Variants in LSAMP observed in about 807,000 individuals in gnomAD.
LSAMP encodes the protein limbic system-associated membrane protein.
A neutral mutation model predicts 38.6 loss-of-function variants in LSAMP; 7 were observed. The ratio of observed to expected loss-of-function variants is 0.18; its 90% CI spans 0.10 to 0.34. The LOEUF (loss-of-function observed/expected upper bound fraction) is 0.34, where lower values mean the gene tolerates loss of function less well. Ranked by LOEUF, LSAMP falls within the 10% of genes least tolerant of loss-of-function variation. The pLI is 1.00. For missense variants in LSAMP, 313 were observed against 420.0 expected (o/e 0.75, Z 2.23); for synonymous variants, 154 against 166.8 (o/e 0.92, Z 0.59).
intron 1 of LSAMP, chr3:116,368,068 T>C (rs2048379949): frequency 6.6e-6 from 1 of 152,182 alleles, no homozygotes. Flanking sequence ...GTGGTAAATG[T>C]GGGTGGGCGG....
intron 1 of LSAMP, among the ~76,000 whole-genome samples, chr3:116,331,362 T>C (rs969166752): frequency 1.3e-5 from 2 of 152,060 alleles, no homozygotes; most frequent in South Asian, 2.1e-4. Flanking sequence ...GGCCAAAAAC[T>C]TCTCAATTAT....
intron 3 of LSAMP, among the ~76,000 whole-genome samples, chr3:115,980,556 G>A (rs78713239): frequency 0.046 from 6,994 of 152,136 alleles, 352 homozygotes; most frequent in African/African-American, 0.13. Context: ...ATTCCCTTTG[G>A]TTCTGGTTTT....
At chr3:116,325,445 G>GGAGA (rs2047757258) in intron 1 of LSAMP, among the ~76,000 whole-genome samples, 1 of 152,136 alleles carries the variant, frequency 6.6e-6, no homozygotes, top group South Asian at 2.1e-4. Flanking sequence ...GACAAGGTAA[G>GGAGA]GAGAGACAGT....
Position 116,073,637 on chromosome 3 carries a change from T to A in LSAMP, c.388+12687A>T, listed in dbSNP as rs576277855. 6.6e-5 allele frequency among the ~76,000 whole-genome samples: 10 copies of A among 152,312 alleles called. No individual in the cohort carries two copies. In the South Asian group the frequency reaches 2.1e-3, roughly 32 times the overall value. On this transcript the variant is annotated intron_variant, in intron 2 of 6. Coordinates refer to ENST00000490035, the MANE Select transcript of LSAMP (RefSeq NM_002338.5). ...TTGAAGAGGTCCTTCACTTCCCTTGTTGGAATGCTAGTGACTTTTGCATAT... is the reference window on the plus strand; with the variant it reads ...TTGAAGAGGTCCTTCACTTCCCTTGATGGAATGCTAGTGACTTTTGCATAT...
At chr3:115,872,987 T>C (rs1936087010) in intron 3 of LSAMP, among the ~76,000 whole-genome samples, 1 of 152,184 alleles carries the variant, frequency 6.6e-6, no homozygotes, top group Non-Finnish European at 1.5e-5. Flanking sequence ...TATATACATA[T>C]ATGTAAACAT....
chr3:116,069,058 G>A (rs1173653258), intron 2 of LSAMP, among the ~76,000 whole-genome samples: 1 of 152,172 alleles, frequency 6.6e-6, no homozygotes, highest in Admixed American at 6.5e-5. Flanking sequence ...GGAACTCATT[G>A]TTACTCCTCT....
chr3:116,444,843 C>G lies in LSAMP; in HGVS notation c.155+34G>C, dbSNP rs552198186. 1.9e-6 allele frequency: 3 copies of G among 1,613,082 alleles called. No homozygotes were observed. In the East Asian group the frequency reaches 6.7e-5, roughly 36 times the overall value. On this transcript the variant is annotated intron_variant, in intron 1 of 6. Transcript: ENST00000490035. ...ACACACACACACACACACGTGTAGA[C>G]GCGCGCAGCAGAAAAGTTGCCCGAA...
At chr3:116,348,363 A>G (rs1181947590) in intron 1 of LSAMP, among the ~76,000 whole-genome samples, 2 of 152,090 alleles carry the variant, frequency 1.3e-5, no homozygotes, top group African/African-American at 4.8e-5. Context: ...CCATACCAAA[A>G]CAACAGCCCA....
chr3:115,841,461 G>A (rs1003746877), intron 6 of LSAMP: 4 of 159,042 alleles, frequency 2.5e-5, no homozygotes, highest in Admixed American at 6.3e-5. Context: ...TCTTATCACT[G>A]CCTTCAAAAC....
intron 3 of LSAMP, among the ~76,000 whole-genome samples, chr3:115,941,825 A>G (rs1937931050): frequency 6.6e-6 from 1 of 152,102 alleles, no homozygotes. Context: ...CTGATCAAAG[A>G]ATAGAAACTT....
chr3:116,381,389 A>C (rs1376997205), intron 1 of LSAMP, among the ~76,000 whole-genome samples: 1 of 152,126 alleles, frequency 6.6e-6, no homozygotes, highest in Non-Finnish European at 1.5e-5. Flanking sequence ...AACTTTCCTC[A>C]TTGAGGGTTG....
intron 2 of LSAMP, among the ~76,000 whole-genome samples, chr3:116,065,189 C>A (rs930219851): frequency 6.6e-6 from 1 of 152,112 alleles, no homozygotes; most frequent in Non-Finnish European, 1.5e-5. Flanking sequence ...AAGGGTTCTA[C>A]GAATAGCTGT....
chr3:115,940,199 A>T (rs1022383029), intron 3 of LSAMP, among the ~76,000 whole-genome samples: 4 of 152,108 alleles, frequency 2.6e-5, no homozygotes, highest in Admixed American at 2.6e-4. Flanking sequence ...AGTAAGCAAG[A>T]TTTATTGTGA....
chr3:116,120,830 C>T (rs1396269401), intron 1 of LSAMP, among the ~76,000 whole-genome samples: 1 of 152,120 alleles, frequency 6.6e-6, no homozygotes, highest in Non-Finnish European at 1.5e-5. Context: ...CTTCATAAAC[C>T]CTGAGTAAAA....
In LSAMP at chr3:116,041,811, C is replaced by CAA. The variant is rs763365903; in HGVS notation, c.389-22173_389-22172dup. ...TGAAAGCATGCAAAAAAAAACAAAACAAAACAAAAAAAAAACACCTTGATT... is the reference window on the plus strand; with the variant it reads ...TGAAAGCATGCAAAAAAAAACAAAACAAAAAACAAAAAAAAAACACCTTGATT... On this transcript the variant is annotated intron_variant, in intron 2 of 6. Transcript: ENST00000490035. Among the ~76,000 whole-genome samples the CAA allele has an allele frequency of 7.8e-5, 7 of 89,404 alleles. No individual in the cohort carries two copies. The East Asian group carries it at 9.0e-4, about 11-fold the overall frequency. 58.7% of individuals were successfully genotyped at this position (89,404 alleles called of 152,430 possible).
At chr3:116,387,818 G>C (rs1350905729) in intron 1 of LSAMP, among the ~76,000 whole-genome samples, 1 of 152,142 alleles carries the variant, frequency 6.6e-6, no homozygotes, top group Non-Finnish European at 1.5e-5. Flanking sequence ...CTTTTGCCGG[G>C]CGCAGTATCT....
chr3:115,850,666 G>A (rs1444534411), intron 4 of LSAMP, among the ~76,000 whole-genome samples: 1 of 152,188 alleles, frequency 6.6e-6, no homozygotes, highest in African/African-American at 2.4e-5. Flanking sequence ...AAGCACTTCA[G>A]AACTCATGAA....
chr3:116,012,243 T>C (rs1449189842), intron 3 of LSAMP, among the ~76,000 whole-genome samples: 3 of 152,244 alleles, frequency 2.0e-5, no homozygotes, highest in Admixed American at 2.0e-4. Context: ...CTGAAGAAAC[T>C]ATAATGTAGT....
At chr3:115,910,378 C>A (rs1381758662) in intron 3 of LSAMP, among the ~76,000 whole-genome samples, 1 of 152,132 alleles carries the variant, frequency 6.6e-6, no homozygotes, top group African/African-American at 2.4e-5. Context: ...GTTTTGCTTT[C>A]TTCCCATAAT....
Sources: allele counts gnomAD v4.1 joint callset (sites outside exome capture counted in the v4.1 genomes callset), GRCh38; gene constraint gnomAD v4.1.1; transcripts MANE v1.5; gene names NCBI Gene and HGNC (gene_info 2026-07-23, HGNC 2026-07-21).